Variants in PRKAA1 observed in about 807,000 individuals in gnomAD.
The protein encoded by PRKAA1 is protein kinase AMP-activated catalytic subunit alpha 1, also known as 5'-AMP-activated protein kinase catalytic subunit alpha-1.
In PRKAA1, 23 loss-of-function variants were observed where a neutral mutation model predicts 56.9. That is an observed-to-expected ratio of 0.40 (90% CI 0.29 to 0.57). The LOEUF (loss-of-function observed/expected upper bound fraction) is 0.57, where lower values mean the gene tolerates loss of function less well. PRKAA1 is among the 20% of genes least tolerant of loss of function. The pLI, the probability that PRKAA1 is intolerant of heterozygous loss-of-function variation, is 0.39. For synonymous variants in PRKAA1, 226 were observed against 227.0 expected (o/e 1.00, Z 0.04); for missense variants, 413 against 679.7 (o/e 0.61, Z 4.36).
intron 4 of PRKAA1, among the ~76,000 whole-genome samples, chr5:40,771,205 AT>A (rs1743731337): frequency 6.6e-6 from 1 of 152,164 alleles, no homozygotes; most frequent in Non-Finnish European, 1.5e-5. Context: ...TTAAAATTTA[AT>A]TTTAAAGATA....
intron 4 of PRKAA1, 59 bp from the exon 5 acceptor site, chr5:40,769,562 C>A: frequency 7.7e-7 from 1 of 1,299,778 alleles, no homozygotes; most frequent in Non-Finnish European, 1.1e-6. Context: ...ATTAAAATCC[C>A]ATTAAACAAT....
intron 1 of PRKAA1, among the ~76,000 whole-genome samples, chr5:40,783,512 A>G (rs1482678536): frequency 4.6e-5 from 7 of 152,132 alleles, no homozygotes; most frequent in African/African-American, 1.7e-4. Flanking sequence ...TAATCCCAGC[A>G]CTTTGGAGGA....
chr5:40,778,153 G>A (rs1744102649), intron 1 of PRKAA1, among the ~76,000 whole-genome samples: 1 of 152,182 alleles, frequency 6.6e-6, no homozygotes, highest in Non-Finnish European at 1.5e-5. Context: ...GGGAGGTGAA[G>A]CAGGAGAATC....
intron 4 of PRKAA1, among the ~76,000 whole-genome samples, chr5:40,769,769 T>G (rs1250762769): frequency 6.6e-6 from 1 of 151,388 alleles, no homozygotes; most frequent in East Asian, 1.9e-4. Context: ...TAGAAAAAAC[T>G]TGCCATGTTT....
chr5:40,764,207 T>G (rs555973129), intron 8 of PRKAA1: 1 of 185,608 alleles, frequency 5.4e-6, no homozygotes, highest in Non-Finnish European at 1.1e-5. Flanking sequence ...AAATAAAACA[T>G]TGTCTCTTAT....
chr5:40,764,739 A>C lies in PRKAA1; in HGVS notation c.1308+13T>G, dbSNP rs144174558. The C allele has an allele frequency of 9.6e-5, 154 of 1,605,196 alleles. 1 individual carries two copies. The Middle Eastern group carries it at 1.7e-3, about 17-fold the overall frequency. Reference sequence around the variant, plus strand: ...CAAATATGCTAATAATCAAAATGTTATTTCTTTCTTACCTTCCATTCATAA... The same window carrying C: ...CAAATATGCTAATAATCAAAATGTTCTTTCTTTCTTACCTTCCATTCATAA... On this transcript the variant is annotated intron_variant, in intron 7 of 8. Transcript: ENST00000397128.
rs1183857265 is a variant in PRKAA1 at position 40,769,693 on chromosome 5, C to T, written c.509-190G>A. Among the ~76,000 whole-genome samples the T allele has an allele frequency of 2.6e-5, 4 of 152,060 alleles. 1 individual carries two copies. The highest frequency in any genetic ancestry group is 6.5e-5 in the Admixed American group (1 of 15,282). On this transcript the variant is annotated intron_variant, in intron 4 of 8. Transcript: ENST00000397128. Reference sequence around the variant, plus strand: ...CCCTAAAATGTGTAATCTATTTCAACATTTAAAGTTAGTGCACTGTTAGAG... The same window carrying T: ...CCCTAAAATGTGTAATCTATTTCAATATTTAAAGTTAGTGCACTGTTAGAG...
intron 6 of PRKAA1, among the ~76,000 whole-genome samples, chr5:40,765,550 A>G (rs1743389540): frequency 6.6e-6 from 1 of 152,178 alleles, no homozygotes; most frequent in African/African-American, 2.4e-5. Context: ...AAGAGAACAT[A>G]TTAGGTAGCT....
At chr5:40,784,724 C>CA (rs376056625) in intron 1 of PRKAA1, among the ~76,000 whole-genome samples, 1 of 152,110 alleles carries the variant, frequency 6.6e-6, no homozygotes, top group African/African-American at 2.4e-5. Flanking sequence ...AACATACTGA[C>CA]ACACTCTCAC....
intron 1 of PRKAA1, among the ~76,000 whole-genome samples, chr5:40,786,494 A>T (rs1231020077): frequency 6.6e-6 from 1 of 152,004 alleles, no homozygotes; most frequent in Non-Finnish European, 1.5e-5. Flanking sequence ...GAAGTACCAA[A>T]CAGTAATCAT....
chr5:40,768,324 G>T, intron 5 of PRKAA1: 1 of 606,344 alleles, frequency 1.6e-6, no homozygotes, highest in Non-Finnish European at 2.1e-6. Context: ...CCAAGAGCTT[G>T]AAGAAAGACT....
Position 40,762,868 on chromosome 5 carries a change from A to G in PRKAA1, c.1590T>C (p.Ser530=). 2 of 1,614,208 alleles carry G rather than the reference A, an allele frequency of 1.2e-6. No individual in the cohort carries two copies. Among genetic ancestry groups the G allele is most frequent in the Non-Finnish European group, 1.7e-6 (2 of 1,180,046 alleles). Residue 530 remains serine (S), a synonymous_variant, in exon 9 of 9, where the codon TCT becomes TCC. Transcript: ENST00000397128. ...GTCTTGGAGTTAGGTCAACAGGAGA[A>G]GAGTCAAGTGAGGTCACAGATGAGG... ...SLTSSVTSLD[S]SPVDLTPRPG...
At chr5:40,773,937 G>T (rs1743868690) in intron 3 of PRKAA1, among the ~76,000 whole-genome samples, 1 of 152,210 alleles carries the variant, frequency 6.6e-6, no homozygotes, top group African/African-American at 2.4e-5. Flanking sequence ...ATACTAACTA[G>T]TGAGACTTGC....
At chr5:40,795,899 G>A (rs1222085151) in intron 1 of PRKAA1, among the ~76,000 whole-genome samples, 2 of 152,170 alleles carry the variant, frequency 1.3e-5, no homozygotes, top group Non-Finnish European at 2.9e-5. Context: ...GGGAAGTGAA[G>A]GTTAAGAAAC....
At chr5:40,766,377 A>C (rs1743434739) in intron 6 of PRKAA1, among the ~76,000 whole-genome samples, 1 of 152,320 alleles carries the variant, frequency 6.6e-6, no homozygotes, top group Admixed American at 6.5e-5. Flanking sequence ...GAAGACCAAA[A>C]GGACCAAAAT....
intron 1 of PRKAA1, among the ~76,000 whole-genome samples, chr5:40,789,479 C>T (rs1027026208): frequency 6.6e-6 from 1 of 152,094 alleles, no homozygotes; most frequent in African/African-American, 2.4e-5. Flanking sequence ...AATAGAATTA[C>T]TATATGATCC....
chr5:40,795,427 TCTCC>T (rs1243527304), intron 1 of PRKAA1, among the ~76,000 whole-genome samples: 1 of 151,964 alleles, frequency 6.6e-6, no homozygotes, highest in Non-Finnish European at 1.5e-5. Context: ...AAAAAAGATG[TCTCC>T]CACCCACCCA....
intron 1 of PRKAA1, among the ~76,000 whole-genome samples, chr5:40,797,806 C>T (rs926176475): frequency 6.6e-6 from 1 of 152,146 alleles, no homozygotes; most frequent in African/African-American, 2.4e-5. Context: ...CCCAGCCCCT[C>T]GTACCTACCA....
At chr5:40,781,009 A>G (rs1744244832) in intron 1 of PRKAA1, among the ~76,000 whole-genome samples, 1 of 152,176 alleles carries the variant, frequency 6.6e-6, no homozygotes, top group African/African-American at 2.4e-5. Flanking sequence ...TTTCCAAATA[A>G]ATACAATAAA....
Sources: allele counts gnomAD v4.1 joint callset (sites outside exome capture counted in the v4.1 genomes callset), GRCh38; gene constraint gnomAD v4.1.1; transcripts MANE v1.5; gene names NCBI Gene and HGNC (gene_info 2026-07-23, HGNC 2026-07-21).